Variants in CPPED1 observed in about 807,000 individuals in gnomAD.
CPPED1 encodes the protein serine/threonine-protein phosphatase CPPED1.
A neutral mutation model predicts 28.0 loss-of-function variants in CPPED1; 28 were observed. The observed-to-expected ratio is 1.00, with a 90% confidence interval of 0.74 to 1.37. The LOEUF is 1.37. Ranked by LOEUF, CPPED1 falls within the 40% of genes most tolerant of loss-of-function variation. CPPED1 has a pLI of 0.00. For synonymous variants in CPPED1, 198 were observed against 180.2 expected (o/e 1.10, Z -0.79); for missense variants, 504 against 416.5 (o/e 1.21, Z -1.83).
At chr16:12,672,118 C>A (rs2079855806) in intron 3 of CPPED1, among the ~76,000 whole-genome samples, 2 of 152,226 alleles carry the variant, frequency 1.3e-5, no homozygotes, top group Non-Finnish European at 2.9e-5. Context: ...TGTGTAAGGA[C>A]ACTGTGATGT....
chr16:12,784,411 T>C (rs753135954), intron 1 of CPPED1, among the ~76,000 whole-genome samples: 1 of 152,198 alleles, frequency 6.6e-6, no homozygotes, highest in Non-Finnish European at 1.5e-5. Context: ...CAAAATCCTG[T>C]GACATGATAC....
intron 1 of CPPED1, among the ~76,000 whole-genome samples, chr16:12,784,367 G>C (rs1303224594): frequency 1.3e-5 from 2 of 152,148 alleles, no homozygotes; most frequent in Non-Finnish European, 2.9e-5. Context: ...CTCTGTGGCA[G>C]ATGAACTCAA....
In CPPED1 at chr16:12,803,751, A is replaced by AAAC; in HGVS notation, c.25_26insGTT (p.Val9delinsGlyPhe). The AAAC allele has an allele frequency of 3.2e-6, 5 of 1,581,316 alleles. No homozygotes were observed. The highest frequency in any genetic ancestry group is 2.6e-6 in the Non-Finnish European group (3 of 1,163,810). On this transcript the variant is annotated protein_altering_variant, in exon 1 of 4. Transcript: ENST00000381774. The stretch of plus-strand genomic sequence containing the variant: ...GGTCCTGCCCCTGGCTCTGTGGAAA[A>AAAC]CACCCCCCGCCTCTGCAGCCGACAT...
Position 12,704,605 on chromosome 16 carries a change from C to T in CPPED1, c.715+19G>A, listed in dbSNP as rs375350802. 2.0e-5 allele frequency: 32 copies of T among 1,589,772 alleles called. No homozygotes were observed. Among genetic ancestry groups the T allele is most frequent in the Middle Eastern group, 3.4e-4 (2 of 5,970 alleles). On this transcript the variant is annotated intron_variant, in intron 3 of 3. Transcript: ENST00000381774. The stretch of plus-strand genomic sequence containing the variant: ...AGACTTGTCCTTCCTCCCTGAAACC[C>T]GTGGCCCGGGGCCTCTACCTGCGTG...
At chr16:12,666,117 A>AAAAT (rs1363251864) in intron 3 of CPPED1, among the ~76,000 whole-genome samples, 34 of 152,308 alleles carry the variant, frequency 2.2e-4, no homozygotes, top group African/African-American at 8.2e-4. Context: ...ACTCCATCTC[A>AAAAT]AAATAAATAA....
intron 2 of CPPED1, among the ~76,000 whole-genome samples, chr16:12,722,383 C>T (rs111539136): frequency 0.041 from 6,176 of 152,288 alleles, 425 homozygotes; most frequent in African/African-American, 0.14. Context: ...GGCAGCCAGA[C>T]GAATGACAGT....
intron 1 of CPPED1, among the ~76,000 whole-genome samples, chr16:12,796,508 A>C (rs2080628578): frequency 6.6e-6 from 1 of 152,226 alleles, no homozygotes; most frequent in South Asian, 2.1e-4. Flanking sequence ...AAAACAACAA[A>C]AAAAACTCAC....
At chr16:12,683,733 G>C (rs1374549738) in intron 3 of CPPED1, among the ~76,000 whole-genome samples, 2 of 152,146 alleles carry the variant, frequency 1.3e-5, no homozygotes, top group Admixed American at 6.5e-5. Flanking sequence ...TCCTCAGTGT[G>C]ATCTTCCTGG....
chr16:12,771,495 C>T (rs981112581), intron 2 of CPPED1, among the ~76,000 whole-genome samples: 1 of 152,232 alleles, frequency 6.6e-6, no homozygotes, highest in Non-Finnish European at 1.5e-5. Flanking sequence ...CCCCCACTGC[C>T]CTTTAGGAAC....
At chr16:12,708,497 A>C (rs1428580963) in intron 2 of CPPED1, among the ~76,000 whole-genome samples, 1 of 152,148 alleles carries the variant, frequency 6.6e-6, no homozygotes, top group African/African-American at 2.4e-5. Context: ...AAATGTAATA[A>C]ATTCTTCCAT....
intron 2 of CPPED1, among the ~76,000 whole-genome samples, chr16:12,758,586 A>G (rs1261548769): frequency 6.6e-6 from 1 of 152,150 alleles, no homozygotes; most frequent in African/African-American, 2.4e-5. Flanking sequence ...CCACCAGCCC[A>G]CTGACCAAGG....
Position 12,789,168 on chromosome 16 carries a change from TC to T in CPPED1, c.71-7766del, listed in dbSNP as rs199933245. On this transcript the variant is annotated intron_variant, in intron 1 of 3. Transcript: ENST00000381774. ...TGAAGCATGCTAGTGACTCTCTGGG[TC>T]TGTACAGTGGTTGTGCCTTCACATG... is the stretch of plus-strand genomic sequence containing the variant. Among the ~76,000 whole-genome samples the T allele has an allele frequency of 1.8e-4, 28 of 152,326 alleles. No individual in the cohort carries two copies. The East Asian group carries it at 5.2e-3, about 28-fold the overall frequency.
chr16:12,747,942 A>G lies in CPPED1; in HGVS notation c.289+33243T>C, dbSNP rs190438809. 3.0e-3 allele frequency among the ~76,000 whole-genome samples: 450 copies of G among 152,338 alleles called. 3 individuals are homozygous for G. Among genetic ancestry groups the G allele is most frequent in the Admixed American group, 5.8e-3 (89 of 15,304 alleles). ...ATCTCCATAAACCTAAAAGAGGAAC[A>G]CCACGCAGTGCCCGTCTCACACCCA... On this transcript the variant is annotated intron_variant, in intron 2 of 3. Transcript: ENST00000381774.
At chr16:12,733,831 T>G (rs1388637353) in intron 2 of CPPED1, among the ~76,000 whole-genome samples, 1 of 152,208 alleles carries the variant, frequency 6.6e-6, no homozygotes, top group Non-Finnish European at 1.5e-5. Flanking sequence ...CACTGCTGCT[T>G]TGTAAAACTT....
chr16:12,668,281 C>G (rs1193798701), intron 3 of CPPED1, among the ~76,000 whole-genome samples: 1 of 152,018 alleles, frequency 6.6e-6, no homozygotes, highest in Admixed American at 6.6e-5. Flanking sequence ...ACTGAATTAA[C>G]TATTGATTTT....
intron 3 of CPPED1, among the ~76,000 whole-genome samples, chr16:12,675,394 G>A (rs929072553): frequency 7.9e-5 from 12 of 152,210 alleles, no homozygotes; most frequent in African/African-American, 2.2e-4. Flanking sequence ...AACAGAGGAT[G>A]ATTTCTGTGG....
intron 2 of CPPED1, among the ~76,000 whole-genome samples, chr16:12,716,079 G>T (rs2080105670): frequency 6.6e-6 from 1 of 152,176 alleles, no homozygotes; most frequent in Non-Finnish European, 1.5e-5. Context: ...GCACAGAAAA[G>T]AAGACAACCA....
At chr16:12,744,270 AAGAGAG>A (rs112990748) in intron 2 of CPPED1, among the ~76,000 whole-genome samples, 5,639 of 139,814 alleles carry the variant, frequency 0.04, 167 homozygotes, top group Middle Eastern at 0.074. Flanking sequence ...GACTCTGTGA[AAGAGAG>A]AGAGAGAGAG....
At chr16:12,773,601 T>A (rs1200177712) in intron 2 of CPPED1, among the ~76,000 whole-genome samples, 1 of 152,060 alleles carries the variant, frequency 6.6e-6, no homozygotes, top group Non-Finnish European at 1.5e-5. Context: ...TGCACACCTG[T>A]AACTCCAGCT....
Sources: allele counts gnomAD v4.1 joint callset (sites outside exome capture counted in the v4.1 genomes callset), GRCh38; gene constraint gnomAD v4.1.1; transcripts MANE v1.5; gene names NCBI Gene and HGNC (gene_info 2026-07-23, HGNC 2026-07-21).